RTN1: variants seen among roughly 807,000 people sequenced by gnomAD.
RTN1 encodes reticulon 1.
In RTN1, 25 loss-of-function variants were observed where a neutral mutation model predicts 65.5. The observed-to-expected ratio is 0.38, with a 90% CI of 0.28 to 0.53. The LOEUF is 0.53. RTN1 is among the 20% of genes least tolerant of loss of function. The probability of loss-of-function intolerance (pLI) is 0.79; values close to 1 mark genes in which losing one functional copy is unlikely to be tolerated. For missense variants in RTN1, 983 were observed against 1,025.4 expected, an observed-to-expected ratio of 0.96 and a Z score of 0.57; for synonymous variants, 471 against 447.6, an observed-to-expected ratio of 1.05 and a Z score of -0.66.
intron 3 of RTN1, among the ~76,000 whole-genome samples, chr14:59,646,128 G>A (rs1882890990): frequency 6.6e-6 from 1 of 152,286 alleles, no homozygotes; most frequent in Middle Eastern, 3.4e-3. Context: ...TCATCTGATA[G>A]AGCTGAAAAA....
At chr14:59,660,965 A>G (rs917669307) in intron 3 of RTN1, among the ~76,000 whole-genome samples, 4 of 152,066 alleles carry the variant, frequency 2.6e-5, no homozygotes, top group African/African-American at 9.7e-5. Flanking sequence ...TTTTGAAAAT[A>G]TAAACAAAAT....
chr14:59,625,243 G>A (rs1037564244), intron 3 of RTN1, among the ~76,000 whole-genome samples: 1 of 152,172 alleles, frequency 6.6e-6, no homozygotes, highest in Admixed American at 6.5e-5. Context: ...AATGAAACAA[G>A]TATTCACAGA....
intron 3 of RTN1, among the ~76,000 whole-genome samples, chr14:59,716,829 G>C (rs565798372): frequency 4.6e-5 from 7 of 151,584 alleles, no homozygotes; most frequent in African/African-American, 1.7e-4. Flanking sequence ...TTAGCCAGGC[G>C]TGGTGGTGGA....
intron 1 of RTN1, among the ~76,000 whole-genome samples, chr14:59,856,555 G>A (rs1284200625): frequency 1.3e-5 from 2 of 152,126 alleles, no homozygotes; most frequent in Non-Finnish European, 2.9e-5. Flanking sequence ...CCTCAGCCCT[G>A]TACTCACAGA....
At chr14:59,654,197 G>A (rs534319829) in intron 3 of RTN1, among the ~76,000 whole-genome samples, 8 of 152,166 alleles carry the variant, frequency 5.3e-5, no homozygotes, top group Non-Finnish European at 8.8e-5. Context: ...AGGCCAAGGC[G>A]GGTGGATCAC....
At chr14:59,773,661 A>C (rs565502956) in intron 1 of RTN1, among the ~76,000 whole-genome samples, 1 of 152,250 alleles carries the variant, frequency 6.6e-6, no homozygotes, top group African/African-American at 2.4e-5. Context: ...CCAACTCATA[A>C]CTCTATATCT....
Position 59,816,705 on chromosome 14 carries a change from T to G in RTN1, c.241+53685A>C, listed in dbSNP as rs894796038. On this transcript the variant is annotated intron_variant, in intron 1 of 8. Coordinates refer to ENST00000267484, the MANE Select transcript of RTN1 (RefSeq NM_021136.3). The surrounding 1 kb of genome is among the most constrained non-coding windows in gnomAD (Gnocchi z 4.3). ...TCCCAGCACTTTAGGAGGCCGAGGC[T>G]GGCGAATCACTTGAGTCCACGAGTT... Among the ~76,000 whole-genome samples the G allele has an allele frequency of 1.3e-5, 2 of 152,076 alleles. No homozygotes were observed. The highest frequency in any genetic ancestry group is 4.8e-5 in the African/African-American group (2 of 41,410).
chr14:59,838,154 A>C (rs1404588585), intron 1 of RTN1, among the ~76,000 whole-genome samples: 1 of 152,128 alleles, frequency 6.6e-6, no homozygotes, highest in East Asian at 1.9e-4. Context: ...CTTTATGTCC[A>C]TGTATACCCA....
intron 3 of RTN1, among the ~76,000 whole-genome samples, chr14:59,613,460 G>A (rs1441902108): frequency 6.6e-6 from 1 of 152,038 alleles, no homozygotes; most frequent in Non-Finnish European, 1.5e-5. Flanking sequence ...AAACACGCCT[G>A]CATAATTTTT....
intron 3 of RTN1, among the ~76,000 whole-genome samples, chr14:59,613,966 G>C (rs1882033968): frequency 6.6e-6 from 1 of 152,106 alleles, no homozygotes; most frequent in African/African-American, 2.4e-5. Context: ...TAATTAGGTA[G>C]GAAATATAAG....
At chr14:59,738,898 A>T (rs1025200348) in intron 2 of RTN1, among the ~76,000 whole-genome samples, 1 of 152,210 alleles carries the variant, frequency 6.6e-6, no homozygotes, top group East Asian at 1.9e-4. Context: ...CTAATGCAGG[A>T]ACAGAAAACC....
chr14:59,834,649 G>T (rs2139645484), intron 1 of RTN1, among the ~76,000 whole-genome samples: 1 of 152,276 alleles, frequency 6.6e-6, no homozygotes, highest in East Asian at 1.9e-4. Context: ...ATCTAATAGT[G>T]AAATGGGCAA....
chr14:59,711,919 TG>T (rs1884429113), intron 3 of RTN1, among the ~76,000 whole-genome samples: 1 of 152,146 alleles, frequency 6.6e-6, no homozygotes, highest in Admixed American at 6.5e-5. Flanking sequence ...AAAAGTGACA[TG>T]TATCATTTCC....
Position 59,766,335 on chromosome 14 carries a change from A to G in RTN1, c.242-19854T>C, listed in dbSNP as rs946389362. 3.3e-5 allele frequency among the ~76,000 whole-genome samples: 5 copies of G among 152,248 alleles called. No homozygotes were observed. The highest frequency in any genetic ancestry group is 9.6e-5 in the African/African-American group (4 of 41,466). On this transcript the variant is annotated intron_variant, in intron 1 of 8. Transcript: ENST00000267484. This position sits in a 1 kb window ranked among gnomAD's most constrained non-coding sequence, Gnocchi z 4.4. ...AAAAGAGCAGCTGGATAGAAAACAG[A>G]GAATTAAATTTTCCTGTCCTAAGTG...
chr14:59,814,033 G>A (rs905583155), intron 1 of RTN1, among the ~76,000 whole-genome samples: 23 of 152,258 alleles, frequency 1.5e-4, no homozygotes, highest in African/African-American at 5.3e-4. Context: ...CCTAGGAGTA[G>A]GCAGTCCCAG....
intron 2 of RTN1, among the ~76,000 whole-genome samples, chr14:59,739,527 C>T (rs1172117780): frequency 9.0e-5 from 12 of 133,800 alleles, no homozygotes; most frequent in Non-Finnish European, 1.2e-4. Flanking sequence ...GGCAACAGAG[C>T]GAGACTCTGT....
intron 3 of RTN1, among the ~76,000 whole-genome samples, chr14:59,662,106 TTTTTA>T (rs1254865488): frequency 6.6e-6 from 1 of 152,066 alleles, no homozygotes; most frequent in Non-Finnish European, 1.5e-5. Context: ...ACAAGCATTC[TTTTTA>T]TTTTATTTTT....
chr14:59,804,549 T>C (rs1199993369), intron 1 of RTN1, among the ~76,000 whole-genome samples: 1 of 152,218 alleles, frequency 6.6e-6, no homozygotes, highest in African/African-American at 2.4e-5. Context: ...AATAGAATTA[T>C]AGAATACTCA....
chr14:59,737,103 A>G (rs1885017355), intron 2 of RTN1, among the ~76,000 whole-genome samples: 1 of 152,214 alleles, frequency 6.6e-6, no homozygotes, highest in Non-Finnish European at 1.5e-5. Flanking sequence ...AAAAAGCAGC[A>G]CAAGACAAGG....
Sources: allele counts gnomAD v4.1 joint callset (sites outside exome capture counted in the v4.1 genomes callset), GRCh38; gene constraint gnomAD v4.1.1; non-coding constraint Gnocchi (gnomAD v3.1); transcripts MANE v1.5; gene names NCBI Gene and HGNC (gene_info 2026-07-23, HGNC 2026-07-21).